Variants in LOXL2 observed in about 807,000 individuals in gnomAD.
LOXL2 encodes lysyl oxidase like 2.
A neutral mutation model predicts 93.0 loss-of-function variants in LOXL2; 70 were observed. The ratio of observed to expected loss-of-function variants is 0.75; its 90% CI spans 0.62 to 0.92. The LOEUF is 0.92. Among genes scored for constraint, LOXL2 ranks in the 40% least tolerant of loss-of-function variants. LOXL2 has a pLI of 0.00. For missense variants in LOXL2, 973 were observed against 1,054.9 expected (o/e 0.92, Z 1.08); for synonymous variants, 438 against 413.2 (o/e 1.06, Z -0.73).
At chr8:23,337,437 G>A (rs1485477502) in intron 4 of LOXL2, 4 of 152,188 alleles carry the variant, frequency 2.6e-5, no homozygotes, top group South Asian at 2.1e-4. Context: ...GCTTCCCAGC[G>A]TGGGTGAGGA....
At chr8:23,375,647 G>GA (rs909699716) in intron 1 of LOXL2, among the ~76,000 whole-genome samples, 1 of 152,260 alleles carries the variant, frequency 6.6e-6, no homozygotes, top group African/African-American at 2.4e-5. Flanking sequence ...AGTTCTCCTT[G>GA]AAGAGGTCCT....
chr8:23,373,307 G>C (rs531569628), intron 1 of LOXL2, among the ~76,000 whole-genome samples: 4 of 152,086 alleles, frequency 2.6e-5, no homozygotes, highest in Admixed American at 6.6e-5. Flanking sequence ...GCCAGCGGAG[G>C]GGGGGCCTAA....
chr8:23,330,097 G>A (rs540324875), intron 5 of LOXL2, among the ~76,000 whole-genome samples: 12 of 151,794 alleles, frequency 7.9e-5, no homozygotes, highest in South Asian at 2.1e-4. Context: ...AGGCCAAGGC[G>A]GGTGGATCAC....
chr8:23,368,494 G>C, intron 1 of LOXL2, 60 bp from the exon 2 acceptor site: 1 of 682,480 alleles, frequency 1.5e-6, no homozygotes, highest in South Asian at 1.7e-5. Context: ...CCTACATAGA[G>C]AACCAGCGAT....
chr8:23,356,970 C>G (rs1804211015), intron 3 of LOXL2, among the ~76,000 whole-genome samples: 1 of 152,186 alleles, frequency 6.6e-6, no homozygotes, highest in Admixed American at 6.5e-5. Flanking sequence ...CAGCAGGTAC[C>G]CAACAAATGC....
intron 3 of LOXL2, among the ~76,000 whole-genome samples, chr8:23,356,233 A>C (rs546020316): frequency 6.6e-6 from 1 of 152,306 alleles, no homozygotes; most frequent in African/African-American, 2.4e-5. Context: ...TGTTTACACA[A>C]ATTAGTCAGC....
chr8:23,378,406 C>T (rs560659604), intron 1 of LOXL2, among the ~76,000 whole-genome samples: 1 of 152,204 alleles, frequency 6.6e-6, no homozygotes, highest in African/African-American at 2.4e-5. Context: ...GTGAATCTGA[C>T]AATTATGTGT....
chr8:23,315,731 G>C (rs1803384251), intron 9 of LOXL2, among the ~76,000 whole-genome samples: 1 of 152,202 alleles, frequency 6.6e-6, no homozygotes, highest in African/African-American at 2.4e-5. Flanking sequence ...GAACCCCCTA[G>C]TACACATTTG....
chr8:23,332,046 A>AG (rs1396462062), intron 5 of LOXL2: 1 of 150,418 alleles, frequency 6.6e-6, no homozygotes, highest in Non-Finnish European at 1.5e-5. Flanking sequence ...AAAAAAAAAA[A>AG]AAAGAAGAAG....
Position 23,399,149 on chromosome 8 carries a change from G to C in LOXL2, c.-84+4805C>G, listed in dbSNP as rs148688458. Among the ~76,000 whole-genome samples the C allele has an allele frequency of 1.7e-3, 256 of 152,326 alleles. 1 individual carries two copies. The highest frequency in any genetic ancestry group is 6.8e-3 in the Middle Eastern group (2 of 294). On this transcript the variant is annotated intron_variant, in intron 1 of 13. Coordinates refer to ENST00000389131, the MANE Select transcript of LOXL2 (RefSeq NM_002318.3). Reference sequence around the variant, plus strand: ...TATTCCCGCCTTGTCTGTGGGCCTAGAGCAGAGTGGCCTCGGGCCACTTCA... The same window carrying C: ...TATTCCCGCCTTGTCTGTGGGCCTACAGCAGAGTGGCCTCGGGCCACTTCA...
At chr8:23,373,748 A>G (rs1463096869) in intron 1 of LOXL2, among the ~76,000 whole-genome samples, 1 of 152,120 alleles carries the variant, frequency 6.6e-6, no homozygotes, top group Non-Finnish European at 1.5e-5. Flanking sequence ...AAAGTTGCGC[A>G]GACGGTAAAT....
intron 1 of LOXL2, among the ~76,000 whole-genome samples, chr8:23,369,678 A>G (rs1253617719): frequency 2.6e-5 from 4 of 152,132 alleles, no homozygotes; most frequent in Non-Finnish European, 4.4e-5. Context: ...CCTGGGGGAC[A>G]GTCAGAACTG....
At chr8:23,321,470 G>C (rs927913811) in intron 7 of LOXL2, among the ~76,000 whole-genome samples, 1 of 152,198 alleles carries the variant, frequency 6.6e-6, no homozygotes, top group African/African-American at 2.4e-5. Context: ...GCCCCACGTA[G>C]AGCGTCAGCA....
At chr8:23,359,972 GGGT>G (rs2117204458) in intron 3 of LOXL2, 115 bp downstream of exon 3, 1 of 917,112 alleles carries the variant, frequency 1.1e-6, no homozygotes, top group Non-Finnish European at 1.7e-6. Flanking sequence ...TAATCCCATT[GGGT>G]GAGGTACCCT....
chr8:23,327,080 C>T (rs1803591353), intron 6 of LOXL2, among the ~76,000 whole-genome samples: 1 of 152,212 alleles, frequency 6.6e-6, no homozygotes, highest in Non-Finnish European at 1.5e-5. Flanking sequence ...TGAGGTCTCT[C>T]CAGCAGTACT....
At chr8:23,351,789 C>T (rs1804097321) in intron 3 of LOXL2, among the ~76,000 whole-genome samples, 1 of 152,142 alleles carries the variant, frequency 6.6e-6, no homozygotes, top group South Asian at 2.1e-4. Flanking sequence ...CAAGCCCTGG[C>T]TACATATAGA....
Position 23,319,987 on chromosome 8 carries a change from C to A in LOXL2, c.1368G>T (p.Gly456=). Residue 456 remains glycine, a synonymous_variant, in exon 8 of 14, where the codon GGG becomes GGT. Coordinates refer to ENST00000389131, the MANE Select transcript of LOXL2 (RefSeq NM_002318.3). ...CACACACCATCCCCCACACAAGGGA[C>A]CCGTTTCTCTCCACCAGCACCTCCA... ...GRVEVLVERN[G]SLVWGMVCGQ... is the part of the protein sequence containing the mutation. 1 of 1,614,132 alleles carries A rather than the reference C, an allele frequency of 6.2e-7. No homozygotes were observed. The highest frequency in any genetic ancestry group is 1.7e-5 in the Admixed American group (1 of 60,020).
intron 2 of LOXL2, among the ~76,000 whole-genome samples, chr8:23,367,240 G>A (rs534289659): frequency 1.3e-5 from 2 of 152,132 alleles, no homozygotes; most frequent in Non-Finnish European, 2.9e-5. Flanking sequence ...GTAGAGATGG[G>A]GTTTCCCCAT....
At chr8:23,381,957 G>A (rs563015423) in intron 1 of LOXL2, among the ~76,000 whole-genome samples, 7 of 152,374 alleles carry the variant, frequency 4.6e-5, no homozygotes. Context: ...AATAACAGGA[G>A]ATGCATGGCT....
Sources: allele counts gnomAD v4.1 joint callset (sites outside exome capture counted in the v4.1 genomes callset), GRCh38; gene constraint gnomAD v4.1.1; transcripts MANE v1.5; gene names NCBI Gene and HGNC (gene_info 2026-07-23, HGNC 2026-07-21).